Variants in TBC1D5 observed in about 807,000 individuals in gnomAD.
The protein encoded by TBC1D5 is TBC1 domain family member 5.
In TBC1D5, 75 loss-of-function variants were observed where a neutral mutation model predicts 100.3. That is an observed-to-expected ratio of 0.75 (90% CI 0.62 to 0.91). The LOEUF is 0.91. Among genes scored for constraint, TBC1D5 ranks in the 40% least tolerant of loss-of-function variants. The pLI is 0.00. For synonymous variants in TBC1D5, 323 were observed against 325.6 expected, an observed-to-expected ratio of 0.99 and a Z score of 0.09; for missense variants, 910 against 942.4, an observed-to-expected ratio of 0.97 and a Z score of 0.45.
intron 9 of TBC1D5, among the ~76,000 whole-genome samples, chr3:17,380,177 T>C (rs1022767371): frequency 6.6e-6 from 1 of 151,842 alleles, no homozygotes; most frequent in African/African-American, 2.4e-5. Context: ...TACCACTTAG[T>C]ATATCCACAT....
intron 1 of TBC1D5, among the ~76,000 whole-genome samples, chr3:17,690,310 G>A (rs1487890022): frequency 2.5e-5 from 1 of 39,784 alleles, no homozygotes; most frequent in Non-Finnish European, 4.9e-5. Flanking sequence ...TCTGCCTCCC[G>A]GGTTCACGCC....
chr3:17,734,007 C>CA (rs35483660), intron 1 of TBC1D5, among the ~76,000 whole-genome samples: 16 of 149,946 alleles, frequency 1.1e-4, no homozygotes, highest in South Asian at 2.1e-4. Flanking sequence ...GACCCTGCCT[C>CA]AAAAAAAAAT....
intron 8 of TBC1D5, among the ~76,000 whole-genome samples, chr3:17,397,700 C>T (rs2093545442): frequency 6.6e-6 from 1 of 152,164 alleles, no homozygotes; most frequent in African/African-American, 2.4e-5. Context: ...TCTTTAAAAA[C>T]TCACCATGGA....
chr3:17,621,292 T>C (rs1192782783), intron 2 of TBC1D5, among the ~76,000 whole-genome samples: 6 of 152,190 alleles, frequency 3.9e-5, no homozygotes, highest in Admixed American at 3.9e-4. Context: ...ATTTCCTACC[T>C]CTGTCCTCTA....
Position 17,404,759 on chromosome 3 carries a change from TG to T in TBC1D5, c.375del (p.Asn126ThrfsTer11). ...TGTTGGCCAACAACCTTCCTCGGGT[TG>T]GTAATATGCTAGTAAAGAAAGAGAA... is the stretch of plus-strand genomic sequence containing the variant. On this transcript the variant is annotated frameshift_variant, in exon 7 of 22. Coordinates refer to ENST00000253692, the Ensembl canonical transcript of TBC1D5. LOFTEE classifies it high-confidence loss of function. 2 of 1,607,724 alleles carry T rather than the reference TG, an allele frequency of 1.2e-6. No individual in the cohort carries two copies. Among genetic ancestry groups the T allele is most frequent in the Non-Finnish European group, 1.7e-6 (2 of 1,177,420 alleles).
intron 2 of TBC1D5, among the ~76,000 whole-genome samples, chr3:17,614,647 C>A (rs544089584): frequency 1.3e-5 from 2 of 152,094 alleles, no homozygotes; most frequent in Non-Finnish European, 2.9e-5. Flanking sequence ...CCCTTGGTAG[C>A]GATTGTGAAT....
chr3:17,538,069 C>T (rs1405224119), intron 2 of TBC1D5, among the ~76,000 whole-genome samples: 1 of 152,108 alleles, frequency 6.6e-6, no homozygotes, highest in Non-Finnish European at 1.5e-5. Context: ...TGGAGGCTTC[C>T]AGCTCATAGG....
chr3:17,189,853 G>A (rs1290920390), intron 18 of TBC1D5, among the ~76,000 whole-genome samples: 5 of 152,158 alleles, frequency 3.3e-5, no homozygotes, highest in Admixed American at 6.5e-5. Flanking sequence ...ATGCCAAATT[G>A]CTTATTAAAT....
chr3:17,243,275 C>G (rs1215499817), intron 16 of TBC1D5, among the ~76,000 whole-genome samples: 3 of 152,126 alleles, frequency 2.0e-5, no homozygotes, highest in African/African-American at 7.2e-5. Flanking sequence ...GAAAATTATA[C>G]TATTTTGTGA....
At chr3:17,237,790 G>T (rs1474569162) in intron 17 of TBC1D5, among the ~76,000 whole-genome samples, 2 of 152,198 alleles carry the variant, frequency 1.3e-5, no homozygotes, top group African/African-American at 4.8e-5. Flanking sequence ...GCTGTGACTA[G>T]TGAAGCCCAT....
At chr3:17,586,386 G>A (rs1308381173) in intron 2 of TBC1D5, 1 of 152,006 alleles carries the variant, frequency 6.6e-6, no homozygotes, top group East Asian at 1.9e-4. Flanking sequence ...CACAAATCCG[G>A]TTGACATGTG....
At chr3:17,424,014 T>C (rs1280169612) in intron 4 of TBC1D5, among the ~76,000 whole-genome samples, 2 of 151,842 alleles carry the variant, frequency 1.3e-5, no homozygotes, top group African/African-American at 4.9e-5. Flanking sequence ...ATTTTCTATA[T>C]TGGGAATTAT....
intron 2 of TBC1D5, among the ~76,000 whole-genome samples, chr3:17,591,259 A>AC (rs1486445636): frequency 1.6e-4 from 19 of 117,054 alleles, no homozygotes; most frequent in Non-Finnish European, 2.8e-4. Context: ...AAAAAAAAAA[A>AC]AAAAAAACAA....
chr3:17,402,780 G>A (rs1352982440), intron 8 of TBC1D5, among the ~76,000 whole-genome samples: 1 of 152,080 alleles, frequency 6.6e-6, no homozygotes, highest in Non-Finnish European at 1.5e-5. Flanking sequence ...GTGAGGATAA[G>A]AATAACAGTT....
Position 17,398,257 on chromosome 3 carries a change from C to A in TBC1D5, c.509+4924G>T, listed in dbSNP as rs74624802. On this transcript the variant is annotated intron_variant, in intron 8 of 21. Transcript: ENST00000253692. ...GTAATAAAAATGGGAATAGTAACAA[C>A]CTCATTAGGTTAAGATAAAGAACAA... Among the ~76,000 whole-genome samples, 1,103 of 152,080 alleles carry A rather than the reference C, an allele frequency of 7.3e-3. 40 individuals are homozygous for A. The East Asian group carries it at 0.13, about 18-fold the overall frequency.
chr3:17,534,041 AGGAGAAGCAGAT>A (rs2096260239), intron 2 of TBC1D5, among the ~76,000 whole-genome samples: 1 of 152,162 alleles, frequency 6.6e-6, no homozygotes, highest in African/African-American at 2.4e-5. Context: ...AGCAATGACA[AGGAGAAGCAGAT>A]GGAAGAGTTA....
intron 15 of TBC1D5, among the ~76,000 whole-genome samples, chr3:17,266,066 T>C (rs1031887318): frequency 7.2e-5 from 11 of 152,186 alleles, no homozygotes; most frequent in Non-Finnish European, 1.5e-4. Context: ...AGATTTATCA[T>C]AATTCTCCTA....
At chr3:17,311,525 GGT>G (rs1271102194) in intron 13 of TBC1D5, among the ~76,000 whole-genome samples, 1 of 151,924 alleles carries the variant, frequency 6.6e-6, no homozygotes, top group African/African-American at 2.4e-5. Flanking sequence ...AACTACTGTT[GGT>G]GTTATTGCTT....
intron 18 of TBC1D5, among the ~76,000 whole-genome samples, chr3:17,192,328 G>A (rs895660380): frequency 2.0e-5 from 3 of 149,772 alleles, no homozygotes; most frequent in Non-Finnish European, 4.4e-5. Flanking sequence ...TATTCTAAAC[G>A]ACACTAAATA....
Sources: gnomAD v4.1 joint callset for allele counts (sites outside exome capture counted in the v4.1 genomes callset) on GRCh38, gnomAD v4.1.1 for gene constraint, MANE v1.5 for transcripts, NCBI Gene and HGNC (gene_info 2026-07-23, HGNC 2026-07-21) for gene names.